Variants in IFNGR2 observed in about 807,000 individuals in gnomAD.
IFNGR2 encodes the protein IFN-gamma receptor 2.
In IFNGR2, 15 loss-of-function variants were observed where a neutral mutation model predicts 41.1. The observed-to-expected ratio is 0.37, with a 90% CI of 0.24 to 0.56. IFNGR2 has a LOEUF of 0.56. Ranked by LOEUF, IFNGR2 falls within the 20% of genes least tolerant of loss-of-function variation. The pLI, the probability that IFNGR2 is intolerant of heterozygous loss-of-function variation, is 0.81. For missense variants in IFNGR2, 362 were observed against 415.7 expected (o/e 0.87, Z 1.12); for synonymous variants, 161 against 171.6 (o/e 0.94, Z 0.48).
At chr21:33,430,804 C>CT (rs1440461856) in intron 4 of IFNGR2, among the ~76,000 whole-genome samples, 1 of 152,070 alleles carries the variant, frequency 6.6e-6, no homozygotes, top group East Asian at 1.9e-4. Flanking sequence ...AATAATCTGC[C>CT]TTTTTTCAGT....
intron 1 of IFNGR2, among the ~76,000 whole-genome samples, chr21:33,414,274 T>G (rs938002707): frequency 5.3e-5 from 8 of 152,186 alleles, no homozygotes; most frequent in African/African-American, 9.7e-5. Flanking sequence ...AGACGACAAC[T>G]CTGATGGTGC....
intron 1 of IFNGR2, among the ~76,000 whole-genome samples, chr21:33,408,323 A>G (rs1490131376): frequency 2.0e-5 from 3 of 151,986 alleles, no homozygotes; most frequent in African/African-American, 7.3e-5. Context: ...CAGCCTCCCA[A>G]GTAACTGTGA....
intron 4 of IFNGR2, among the ~76,000 whole-genome samples, chr21:33,428,740 AAG>A (rs2083861197): frequency 6.6e-6 from 1 of 152,236 alleles, no homozygotes; most frequent in African/African-American, 2.4e-5. Flanking sequence ...CCGGAAATGC[AAG>A]AGATAGGATG....
chr21:33,432,409 CTT>C, intron 5 of IFNGR2, 73 bp downstream of exon 5: 1 of 1,414,028 alleles, frequency 7.1e-7, no homozygotes. Context: ...TCGGGGAATG[CTT>C]ATGAGGTCAT....
At chr21:33,403,245 G>A (rs1430972314), upstream of IFNGR2, 4 of 155,960 alleles carry the variant, frequency 2.6e-5, no homozygotes, top group Non-Finnish European at 1.4e-5. Flanking sequence ...CCGCGCTCTG[G>A]GAGGCCGGCT....
At chr21:33,416,373 C>T (rs2083753305) in intron 2 of IFNGR2, among the ~76,000 whole-genome samples, 1 of 152,166 alleles carries the variant, frequency 6.6e-6, no homozygotes, top group Non-Finnish European at 1.5e-5. Flanking sequence ...GAAATTGCAA[C>T]TCTGTAAACT....
chr21:33,432,068 G>C (rs746260914), intron 4 of IFNGR2, 109 bp from the exon 5 acceptor site: 41 of 1,032,780 alleles, frequency 4.0e-5, no homozygotes, highest in Non-Finnish European at 5.8e-5. Context: ...ATGGCATCTT[G>C]TTCTTCTTTG....
chr21:33,421,462 T>C lies in IFNGR2; in HGVS notation c.207-18T>C, dbSNP rs187273872. ...AAACAGAGAATTCTGTGAATTGAAA[T>C]CCTTTTTTCCTTCCCAGCACCGACA... On this transcript the variant is annotated intron_variant, in intron 2 of 6. Coordinates refer to ENST00000290219, the MANE Select transcript of IFNGR2 (RefSeq NM_005534.4). 3.6e-5 allele frequency: 57 copies of C among 1,602,172 alleles called. No homozygotes were observed. In the African/African-American group the frequency reaches 6.6e-4, roughly 18 times the overall value.
chr21:33,404,720 T>C (rs1271041570), intron 1 of IFNGR2, among the ~76,000 whole-genome samples: 1 of 152,124 alleles, frequency 6.6e-6, no homozygotes, highest in Non-Finnish European at 1.5e-5. Context: ...TGAGGCACCG[T>C]GCCCAGCTGA....
At chr21:33,434,538 T>C (rs1797552495) in intron 6 of IFNGR2, among the ~76,000 whole-genome samples, 1 of 151,840 alleles carries the variant, frequency 6.6e-6, no homozygotes, top group Admixed American at 6.6e-5. Flanking sequence ...ATAAAATAAA[T>C]AAAAAGCATT....
chr21:33,415,093 T>G, intron 2 of IFNGR2, 73 bp downstream of exon 2: 4 of 1,533,770 alleles, frequency 2.6e-6, no homozygotes, highest in Non-Finnish European at 3.6e-6. Flanking sequence ...GGCCACATAC[T>G]AGTCCCTGCC....
Sources: gnomAD v4.1 joint callset for allele counts (sites outside exome capture counted in the v4.1 genomes callset) on GRCh38, gnomAD v4.1.1 for gene constraint, MANE v1.5 for transcripts, NCBI Gene and HGNC (gene_info 2026-07-23, HGNC 2026-07-21) for gene names.